The following MGAT4C variants were observed in gnomAD, a reference collection of about 807,000 sequenced individuals.
MGAT4C encodes the protein MGAT4 family member C, also known as alpha-1,3-mannosyl-glycoprotein 4-beta-N-acetylglucosaminyltransferase C.
In MGAT4C, 19 loss-of-function variants were observed where a neutral mutation model predicts 40.1. The observed-to-expected ratio is 0.47, with a 90% CI of 0.33 to 0.70. The LOEUF is 0.70. Among genes scored for constraint, MGAT4C ranks in the 30% least tolerant of loss-of-function variants. The pLI is 0.02. For missense variants in MGAT4C, 491 were observed against 563.2 expected (o/e 0.87, Z 1.30); for synonymous variants, 181 against 187.1 (o/e 0.97, Z 0.27).
chr12:86,681,486 A>G lies in MGAT4C; in HGVS notation c.-229+45723T>C, dbSNP rs998281413. 2.6e-5 allele frequency among the ~76,000 whole-genome samples: 4 copies of G among 152,058 alleles called. No individual in the cohort carries two copies. The East Asian group carries it at 5.8e-4, about 22-fold the overall frequency. On this transcript the variant is annotated intron_variant, in intron 2 of 7. Coordinates refer to the MGAT4C transcript ENST00000548651. ...TAATTATAAATGATGGTTAAAGATA[A>G]TGCCAATAAATTTCATCCACCCACT...
intron 1 of MGAT4C, among the ~76,000 whole-genome samples, chr12:86,182,924 G>A (rs1183883814): frequency 1.3e-5 from 2 of 152,074 alleles, no homozygotes; most frequent in East Asian, 3.9e-4. Context: ...TCCAGACCCA[G>A]CACTATATAT....
At chr12:86,494,289 T>A (rs1038593486) in intron 2 of MGAT4C, among the ~76,000 whole-genome samples, 1 of 151,798 alleles carries the variant, frequency 6.6e-6, no homozygotes, top group African/African-American at 2.4e-5. Flanking sequence ...ATCACATTAT[T>A]AAAAAAAACC....
intron 2 of MGAT4C, among the ~76,000 whole-genome samples, chr12:86,699,485 A>G (rs1950317386): frequency 6.6e-6 from 1 of 152,132 alleles, no homozygotes; most frequent in African/African-American, 2.4e-5. Context: ...GTCACTTAAT[A>G]TAGGACCAGA....
chr12:86,522,155 G>A (rs1958805738), intron 2 of MGAT4C, among the ~76,000 whole-genome samples: 1 of 152,080 alleles, frequency 6.6e-6, no homozygotes, highest in Non-Finnish European at 1.5e-5. Context: ...TAGGAGTGGT[G>A]AGAGAGGATA....
At chr12:86,638,714 G>C (rs1180524657) in intron 2 of MGAT4C, among the ~76,000 whole-genome samples, 1 of 151,720 alleles carries the variant, frequency 6.6e-6, no homozygotes, top group Non-Finnish European at 1.5e-5. Context: ...TCTGACTATA[G>C]AAGCCAAAGG....
At chr12:86,775,633 C>G (rs2136175630) in intron 1 of MGAT4C, among the ~76,000 whole-genome samples, 1 of 151,098 alleles carries the variant, frequency 6.6e-6, no homozygotes, top group South Asian at 2.1e-4. Context: ...GGAAGGGGAA[C>G]TTAACATTTT....
chr12:86,260,827 T>C (rs2136095478), upstream of MGAT4C, among the ~76,000 whole-genome samples: 1 of 152,096 alleles, frequency 6.6e-6, no homozygotes, highest in South Asian at 2.1e-4. Context: ...AGATCATTAT[T>C]TAGTACTTGC....
chr12:86,196,746 C>T (rs570613517), intron 1 of MGAT4C, among the ~76,000 whole-genome samples: 9 of 152,220 alleles, frequency 5.9e-5, no homozygotes, highest in Non-Finnish European at 1.2e-4. Flanking sequence ...GCAGAGATGG[C>T]TGATTAAATC....
intron 2 of MGAT4C, among the ~76,000 whole-genome samples, chr12:86,579,940 T>C (rs547230935): frequency 1.1e-4 from 16 of 151,692 alleles, no homozygotes; most frequent in Non-Finnish European, 1.6e-4. Flanking sequence ...TTATCTGTTA[T>C]TTGTTTTCTC....
At chr12:86,638,612 G>C (rs1963291593) in intron 2 of MGAT4C, among the ~76,000 whole-genome samples, 1 of 151,670 alleles carries the variant, frequency 6.6e-6, no homozygotes, top group African/African-American at 2.4e-5. Context: ...AGTAAAATTT[G>C]GGTCTCCATG....
At chr12:86,371,360 C>T (rs904737330) in intron 3 of MGAT4C, among the ~76,000 whole-genome samples, 17 of 151,992 alleles carry the variant, frequency 1.1e-4, no homozygotes, top group African/African-American at 3.1e-4. Context: ...CTAGGACAAT[C>T]AATCTTCCAT....
At chr12:86,648,613 A>G (rs1963612125) in intron 2 of MGAT4C, among the ~76,000 whole-genome samples, 1 of 151,894 alleles carries the variant, frequency 6.6e-6, no homozygotes, top group South Asian at 2.1e-4. Context: ...CTCACCAAAA[A>G]TTGAAATTCA....
At chr12:86,538,754 C>T (rs927615503) in intron 2 of MGAT4C, among the ~76,000 whole-genome samples, 1 of 151,712 alleles carries the variant, frequency 6.6e-6, no homozygotes, top group African/African-American at 2.4e-5. Flanking sequence ...ACTACAGGCG[C>T]CCGCCACCAC....
At chr12:86,186,761 G>A (rs182452251) in intron 1 of MGAT4C, among the ~76,000 whole-genome samples, 2 of 152,204 alleles carry the variant, frequency 1.3e-5, no homozygotes, top group Admixed American at 6.5e-5. Flanking sequence ...ATCATGAGTA[G>A]AGTCTGCAAT....
chr12:85,969,544 A>G lies in MGAT4C; in HGVS notation c.*9745T>C, dbSNP rs146467336. ...GTGGTTCAGTGGAATTACAGAAGCA[A>G]GTGTTTTAGATGTTCAAGTTTAAAA... On this transcript the variant is annotated 3_prime_UTR_variant, in exon 5 of 5. Coordinates refer to ENST00000611864, the MANE Select transcript of MGAT4C (RefSeq NM_001351288.2). 2.0e-3 allele frequency: 307 copies of G among 151,728 alleles called. No individual in the cohort carries two copies. The highest frequency in any genetic ancestry group is 7.1e-3 in the African/African-American group (295 of 41,514). The allele number at this position is 151,728 out of a possible 1,614,324, so 9.4% of individuals were successfully genotyped here.
intron 2 of MGAT4C, among the ~76,000 whole-genome samples, chr12:86,570,120 G>T (rs1466160232): frequency 6.6e-6 from 1 of 152,016 alleles, no homozygotes; most frequent in African/African-American, 2.4e-5. Context: ...ACATTCAAGA[G>T]ACCTATTGTA....
intron 1 of MGAT4C, among the ~76,000 whole-genome samples, chr12:86,194,517 C>T (rs1467204117): frequency 3.3e-5 from 5 of 150,548 alleles, no homozygotes; most frequent in Non-Finnish European, 7.4e-5. Flanking sequence ...TGCAATGGTG[C>T]GATCTTGGCT....
intron 2 of MGAT4C, among the ~76,000 whole-genome samples, chr12:86,551,226 T>A (rs1400633176): frequency 1.3e-5 from 2 of 152,162 alleles, no homozygotes; most frequent in Non-Finnish European, 2.9e-5. Context: ...GTTCCCCTGG[T>A]GGTCAAGCCC....
At chr12:86,656,177 AG>A (rs1394472690) in intron 2 of MGAT4C, among the ~76,000 whole-genome samples, 2 of 152,106 alleles carry the variant, frequency 1.3e-5, no homozygotes, top group African/African-American at 4.8e-5. Context: ...CATAGTAAAA[AG>A]TAATAATTGA....
Sources: allele counts gnomAD v4.1 joint callset (sites outside exome capture counted in the v4.1 genomes callset), GRCh38; gene constraint gnomAD v4.1.1; transcripts MANE v1.5; gene names NCBI Gene and HGNC (gene_info 2026-07-23, HGNC 2026-07-21).